AFAP1: variants seen among roughly 807,000 people sequenced by gnomAD.
The protein encoded by AFAP1 is actin filament associated protein 1.
A neutral mutation model predicts 93.9 loss-of-function variants in AFAP1; 75 were observed. That is an observed-to-expected ratio of 0.80 (90% CI 0.66 to 0.97). The LOEUF (loss-of-function observed/expected upper bound fraction) is 0.97. Among genes scored for constraint, AFAP1 ranks in the 50% least tolerant of loss-of-function variants. The pLI, the probability that AFAP1 is intolerant of heterozygous loss-of-function variation, is 0.00. For missense variants in AFAP1, 1,201 were observed against 1,050.8 expected, an observed-to-expected ratio of 1.14 and a Z score of -1.98; for synonymous variants, 517 against 430.7, an observed-to-expected ratio of 1.20 and a Z score of -2.48.
At position 7,760,705 on chromosome 4, in the gene AFAP1, CTGA is replaced by C. The variant is rs1230138094; in HGVS notation, c.*3057_*3059del. ...AAAATATATAAATGGAGGTTGAAGG[CTGA>C]TGACACCTTAACAAAATAGAGCCAG... is the stretch of plus-strand genomic sequence containing the variant. On this transcript the variant is annotated 3_prime_UTR_variant, in exon 18 of 18. Coordinates refer to ENST00000420658, the MANE Select transcript of AFAP1 (RefSeq NM_001134647.2). The C allele has an allele frequency of 6.6e-6, 1 of 152,252 alleles. No homozygotes were observed. Among genetic ancestry groups the C allele is most frequent in the African/African-American group, 2.4e-5 (1 of 41,470 alleles). The allele number at this position is 152,252 out of a possible 1,614,324, so 9.4% of individuals were successfully genotyped here.
intron 1 of AFAP1, among the ~76,000 whole-genome samples, chr4:7,925,654 C>G (rs1720686162): frequency 6.6e-6 from 1 of 152,172 alleles, no homozygotes; most frequent in Non-Finnish European, 1.5e-5. Context: ...CAAGACCAGC[C>G]TGACCAACAA....
rs1444260487 is a variant in AFAP1 at position 7,843,217 on chromosome 4, G to C, written c.468C>G (p.Ile156Met). ...ASMDLVKDAK[I>M]CAFLLRKKRF... ...GCTTCTTCCGCAGCAGGAAGGCGCA[G>C]ATTTTGGCGTCCTTGACCAGGTCCA... Residue 156 changes from isoleucine (I) to methionine (M), a missense_variant, in exon 5 of 18, where the codon ATC (isoleucine) becomes ATG (methionine). Transcript: ENST00000420658. 1.2e-6 allele frequency: 2 copies of C among 1,614,220 alleles called. No individual in the cohort carries two copies. Among genetic ancestry groups the C allele is most frequent in the Admixed American group, 1.7e-5 (1 of 60,030 alleles).
chr4:7,896,801 C>A (rs1453751042), intron 1 of AFAP1, among the ~76,000 whole-genome samples: 44 of 139,886 alleles, frequency 3.1e-4, no homozygotes, highest in African/African-American at 4.3e-4. Flanking sequence ...CTCACTCCCC[C>A]CACACCCAGG....
rs34512873 is a variant in AFAP1 at position 7,831,393 on chromosome 4, T to TAA, written c.726+7129_726+7130dup. 8.5e-3 allele frequency among the ~76,000 whole-genome samples: 1,172 copies of TAA among 137,864 alleles called. 8 individuals are homozygous for TAA. The highest frequency in any genetic ancestry group is 0.014 in the African/African-American group (530 of 36,682). The allele number at this position is 137,864 out of a possible 152,430, so 90.4% of individuals were successfully genotyped here. A position where few individuals can be genotyped will look rare whatever the true frequency, so the allele number is the denominator to read the frequency against. ...CCTTTTAAGAAAAATCAGCAAATGC[T>TAA]AAAAAAAAAAAAAAAAAATTCTTGC... On this transcript the variant is annotated intron_variant, in intron 6 of 17. Coordinates refer to ENST00000420658, the MANE Select transcript of AFAP1 (RefSeq NM_001134647.2).
At chr4:7,794,335 T>TA (rs1299167532) in intron 10 of AFAP1, among the ~76,000 whole-genome samples, 1 of 152,178 alleles carries the variant, frequency 6.6e-6, no homozygotes, top group Non-Finnish European at 1.5e-5. Flanking sequence ...TTAGATGATA[T>TA]AAAAAAGTAA....
intron 11 of AFAP1, among the ~76,000 whole-genome samples, chr4:7,787,988 C>T (rs1717471355): frequency 6.6e-6 from 1 of 152,190 alleles, no homozygotes; most frequent in Admixed American, 6.5e-5. Context: ...CCCGCAGCCC[C>T]ACAGCGGCCC....
rs1716419802 is a variant in AFAP1, at chr4:7,778,744, A to G, written c.1897+18T>C. The G allele has an allele frequency of 4.4e-6, 7 of 1,608,846 alleles. No individual in the cohort carries two copies. Among genetic ancestry groups the G allele is most frequent in the Non-Finnish European group, 6.0e-6 (7 of 1,175,186 alleles). On this transcript the variant is annotated intron_variant, in intron 14 of 17. Transcript: ENST00000420658. ...TGCACTTGAAGCCGGAATGCAAGAC[A>G]TCCGATGGTATACTTACTCGAACCC...
At chr4:7,824,073 T>G (rs778484470) in intron 6 of AFAP1, among the ~76,000 whole-genome samples, 2 of 152,262 alleles carry the variant, frequency 1.3e-5, no homozygotes, top group Non-Finnish European at 2.9e-5. Flanking sequence ...ATTGCCAAGC[T>G]GCACCTGCAG....
intron 1 of AFAP1, among the ~76,000 whole-genome samples, chr4:7,904,502 A>G (rs149418395): frequency 9.8e-5 from 15 of 152,288 alleles, no homozygotes; most frequent in Admixed American, 9.8e-4. Flanking sequence ...TGCACTCACG[A>G]GGTGCCAGGC....
chr4:7,924,013 T>C (rs1032623964), intron 1 of AFAP1, among the ~76,000 whole-genome samples: 5 of 152,238 alleles, frequency 3.3e-5, no homozygotes, highest in East Asian at 1.9e-4. Context: ...TCAGTACTTT[T>C]TATATTTCTG....
At chr4:7,934,919 G>A (rs566790099) in intron 1 of AFAP1, among the ~76,000 whole-genome samples, 108 of 152,310 alleles carry the variant, frequency 7.1e-4, no homozygotes, top group Admixed American at 1.3e-3. Context: ...TAATTGAAGA[G>A]ATTGTTAAAG....
intron 10 of AFAP1, among the ~76,000 whole-genome samples, chr4:7,799,606 C>T (rs930124390): frequency 6.6e-6 from 1 of 152,184 alleles, no homozygotes; most frequent in East Asian, 1.9e-4. Context: ...ATGCGACCAT[C>T]TGGCGTGTGA....
chr4:7,775,200 C>A, intron 14 of AFAP1: 1 of 294,024 alleles, frequency 3.4e-6, no homozygotes, highest in Non-Finnish European at 6.3e-6. Flanking sequence ...GTTGAATCAG[C>A]CAACTCAGTA....
intron 1 of AFAP1, among the ~76,000 whole-genome samples, chr4:7,887,624 A>G (rs1277177818): frequency 6.6e-6 from 1 of 152,232 alleles, no homozygotes; most frequent in Non-Finnish European, 1.5e-5. Context: ...AATCATTTTT[A>G]TATTACTATT....
intron 1 of AFAP1, among the ~76,000 whole-genome samples, chr4:7,874,356 C>CTTTTTTTTTTTTTTTTTTT (rs869214535): frequency 1.1e-5 from 1 of 92,440 alleles, no homozygotes; most frequent in African/African-American, 4.7e-5. Flanking sequence ...TTGCCTTTTT[C>CTTTTTTTTTTTTTTTTTTT]TTTTTTTTTT....
chr4:7,768,019 T>C (rs1282512932), intron 17 of AFAP1, among the ~76,000 whole-genome samples: 1 of 152,224 alleles, frequency 6.6e-6, no homozygotes, highest in Non-Finnish European at 1.5e-5. Context: ...AAGGCTGTGG[T>C]GAGCTGTGAT....
At chr4:7,832,643 G>GA (rs751082680) in intron 6 of AFAP1, among the ~76,000 whole-genome samples, 95 of 132,478 alleles carry the variant, frequency 7.2e-4, no homozygotes, top group Admixed American at 1.8e-3. Context: ...CACAGAACTA[G>GA]AAAAAACAAT....
In AFAP1 at chr4:7,761,693, C is replaced by CTATT. The variant is rs1267263039; in HGVS notation, c.*2068_*2071dup. On this transcript the variant is annotated 3_prime_UTR_variant, in exon 18 of 18. Transcript: ENST00000420658. ...GGCCCAAGAGTGTCAACCAGGGAAA[C>CTATT]TATTTGACCCGAAGGCAGCAAAAAT... The CTATT allele has an allele frequency of 6.6e-6, 1 of 152,194 alleles. No homozygotes were observed. The highest frequency in any genetic ancestry group is 2.4e-5 in the African/African-American group (1 of 41,430). The allele number at this position is 152,194 out of a possible 1,614,324, so 9.4% of individuals were successfully genotyped here.
chr4:7,816,332 T>C (rs1261016169), intron 7 of AFAP1, among the ~76,000 whole-genome samples: 1 of 152,192 alleles, frequency 6.6e-6, no homozygotes, highest in East Asian at 1.9e-4. Context: ...GAGGCTATAA[T>C]TATACTAACC....
Sources: gnomAD v4.1 joint callset for allele counts (sites outside exome capture counted in the v4.1 genomes callset) on GRCh38, gnomAD v4.1.1 for gene constraint, MANE v1.5 for transcripts, NCBI Gene and HGNC (gene_info 2026-07-23, HGNC 2026-07-21) for gene names.